CPN1: variants seen among roughly 807,000 people sequenced by gnomAD.
CPN1 encodes the protein carboxypeptidase N subunit 1, also known as carboxypeptidase N catalytic chain.
A neutral mutation model predicts 46.4 loss-of-function variants in CPN1; 37 were observed. That is an observed-to-expected ratio of 0.80 (90% CI 0.61 to 1.05). The LOEUF is 1.05. CPN1 is among the 50% of genes least tolerant of loss of function. The pLI, the probability that CPN1 is intolerant of heterozygous loss-of-function variation, is 0.00. For missense variants in CPN1, 563 were observed against 602.6 expected, an observed-to-expected ratio of 0.93 and a Z score of 0.69; for synonymous variants, 224 against 235.4, an observed-to-expected ratio of 0.95 and a Z score of 0.44.
intron 1 of CPN1, among the ~76,000 whole-genome samples, chr10:100,079,208 TACGTAGTTAC>T (rs1041821085): frequency 6.6e-6 from 1 of 152,282 alleles, no homozygotes; most frequent in African/African-American, 2.4e-5. Context: ...AATATGTATT[TACGTAGTTAC>T]CCATTTATTG....
rs78854907 is a variant in CPN1, at chr10:100,054,729, G to A, written c.1012-283C>T. On this transcript the variant is annotated intron_variant, in intron 6 of 8. Coordinates refer to ENST00000370418, the MANE Select transcript of CPN1 (RefSeq NM_001308.3). Reference sequence around the variant, plus strand: ...AAAGCTAAAGTTCTTGTGATGGTCTGTCTGTAAAGCTACCTGTTAGCTCTC... The same window carrying A: ...AAAGCTAAAGTTCTTGTGATGGTCTATCTGTAAAGCTACCTGTTAGCTCTC... Among the ~76,000 whole-genome samples the A allele has an allele frequency of 5.6e-3, 845 of 151,892 alleles. 16 individuals carry two copies. The highest frequency in any genetic ancestry group is 0.02 in the African/African-American group (815 of 41,396).
At chr10:100,064,393 T>G (rs1663320872) in intron 4 of CPN1, among the ~76,000 whole-genome samples, 1 of 149,672 alleles carries the variant, frequency 6.7e-6, no homozygotes, top group South Asian at 2.1e-4. Context: ...TATAATTTTT[T>G]TTTTGAGACG....
Position 100,081,665 on chromosome 10 carries a change from C to G in CPN1, c.-40G>C. 1 of 1,566,170 alleles carries G rather than the reference C, an allele frequency of 6.4e-7. No homozygotes were observed. ...TCAAAGAGAGCCACTGAAACGCGCC[C>G]CACCTCCTTAAACAACCTAGCCTCT... On this transcript the variant is annotated 5_prime_UTR_variant, in exon 1 of 9. Transcript: ENST00000370418.
At chr10:100,047,831 AC>A (rs956946191) in intron 8 of CPN1, among the ~76,000 whole-genome samples, 1 of 146,402 alleles carries the variant, frequency 6.8e-6, no homozygotes, top group African/African-American at 2.6e-5. Flanking sequence ...ACTAAAAAAA[AC>A]CCACCAAAAA....
chr10:100,051,534 T>A (rs1214169725), intron 7 of CPN1, among the ~76,000 whole-genome samples: 2 of 150,538 alleles, frequency 1.3e-5, no homozygotes, highest in Admixed American at 6.6e-5. Context: ...GAAAAAAAAT[T>A]TTTTTTTTTT....
chr10:100,061,128 C>T (rs2041414895), intron 5 of CPN1, among the ~76,000 whole-genome samples: 1 of 151,750 alleles, frequency 6.6e-6, no homozygotes. Context: ...TTAATAGATA[C>T]AAAAAATAGT....
chr10:100,064,745 C>G (rs1264425687), intron 4 of CPN1, among the ~76,000 whole-genome samples: 1 of 151,930 alleles, frequency 6.6e-6, no homozygotes, highest in Non-Finnish European at 1.5e-5. Flanking sequence ...GTTAACATAT[C>G]GTTTTGAACT....
chr10:100,073,428 G>T (rs58862812), intron 2 of CPN1, among the ~76,000 whole-genome samples: 6,795 of 152,198 alleles, frequency 0.045, 202 homozygotes, highest in African/African-American at 0.082. Context: ...TTCATAAACA[G>T]GGCTAGTGTT....
chr10:100,053,824 C>G (rs2041368968), intron 7 of CPN1, among the ~76,000 whole-genome samples: 1 of 152,118 alleles, frequency 6.6e-6, no homozygotes, highest in African/African-American at 2.4e-5. Flanking sequence ...CTAGGAGGTT[C>G]CAGGTAGCTC....
chr10:100,073,600 G>A (rs1338267608), intron 2 of CPN1, among the ~76,000 whole-genome samples: 1 of 150,618 alleles, frequency 6.6e-6, no homozygotes, highest in Non-Finnish European at 1.5e-5. Context: ...ACATTCCTTG[G>A]CTCTTCCATC....
Position 100,054,405 on chromosome 10 carries a change from G to T in CPN1, c.1053C>A (p.Tyr351Ter). ...AAATGACAGCATTGGCGAGATTATTGTAATTCTCATCAAGCACCATTCCCT... is the reference window on the plus strand; with the variant it reads ...AAATGACAGCATTGGCGAGATTATTTTAATTCTCATCAAGCACCATTCCCT... ...GIKGMVLDENYNNLANAVISV... is the reference protein window; with the variant it reads ...GIKGMVLDEN Residue 351 changes from tyrosine (Y) to a stop codon, truncating the protein, a stop_gained, in exon 7 of 9, where the codon TAC (tyrosine) becomes TAA (stop). Transcript: ENST00000370418. LOFTEE classifies it high-confidence loss of function. 1 of 1,614,078 alleles carries T rather than the reference G, an allele frequency of 6.2e-7. No homozygotes were observed. Among genetic ancestry groups the T allele is most frequent in the Non-Finnish European group, 8.5e-7 (1 of 1,179,968 alleles).
chr10:100,059,935 G>A (rs567121586), intron 5 of CPN1, among the ~76,000 whole-genome samples: 4 of 152,246 alleles, frequency 2.6e-5, no homozygotes, highest in Non-Finnish European at 4.4e-5. Flanking sequence ...TCTGACAAAC[G>A]CCATAACATG....
At chr10:100,049,654 G>A (rs779408109) in intron 7 of CPN1, among the ~76,000 whole-genome samples, 20 of 152,064 alleles carry the variant, frequency 1.3e-4, no homozygotes, top group African/African-American at 1.7e-4. Context: ...TGATCCTTCC[G>A]CCTCAGCCTC....
chr10:100,065,419 A>G (rs1396801450), intron 3 of CPN1, 49 bp from the exon 4 acceptor site: 4 of 1,607,562 alleles, frequency 2.5e-6, no homozygotes, highest in Non-Finnish European at 2.6e-6. Context: ...GGGGCTACCA[A>G]ACAAACGGCG....
intron 3 of CPN1, among the ~76,000 whole-genome samples, chr10:100,069,152 G>C (rs2041470842): frequency 6.6e-6 from 1 of 152,170 alleles, no homozygotes; most frequent in Non-Finnish European, 1.5e-5. Flanking sequence ...GCAACCAAAT[G>C]ATACTGCTTT....
intron 7 of CPN1, among the ~76,000 whole-genome samples, chr10:100,049,569 T>A (rs1209361274): frequency 2.0e-5 from 3 of 151,914 alleles, no homozygotes; most frequent in Admixed American, 1.3e-4. Context: ...GGCCGTCTTT[T>A]CTTTTTCAAA....
At chr10:100,047,151 C>T (rs2041319158) in intron 8 of CPN1, among the ~76,000 whole-genome samples, 1 of 151,956 alleles carries the variant, frequency 6.6e-6, no homozygotes. Context: ...CAGAAGATCT[C>T]TTGAGTCTGA....
chr10:100,072,071 A>G (rs2041488998), intron 2 of CPN1, among the ~76,000 whole-genome samples: 1 of 152,208 alleles, frequency 6.6e-6, no homozygotes, highest in Non-Finnish European at 1.5e-5. Context: ...ACATCCACGT[A>G]CAAGTCTTTG....
At chr10:100,063,555 A>G (rs2041433664) in intron 5 of CPN1, 59 bp downstream of exon 5, 2 of 1,269,992 alleles carry the variant, frequency 1.6e-6, no homozygotes, top group Admixed American at 1.7e-5. Context: ...CTGGGAATTT[A>G]GAAGGAGAAA....
Sources: allele counts gnomAD v4.1 joint callset (sites outside exome capture counted in the v4.1 genomes callset), GRCh38; gene constraint gnomAD v4.1.1; transcripts MANE v1.5; gene names NCBI Gene and HGNC (gene_info 2026-07-23, HGNC 2026-07-21).